Variants in MAPKAPK5 observed in about 807,000 individuals in gnomAD.
MAPKAPK5 encodes MAP kinase-activated protein kinase 5.
Under a neutral mutation model 65.1 loss-of-function variants are expected in MAPKAPK5, and 30 were observed. The ratio of observed to expected loss-of-function variants is 0.46; its 90% CI spans 0.34 to 0.63. The LOEUF is 0.63. Ranked by LOEUF, MAPKAPK5 falls within the 20% of genes least tolerant of loss-of-function variation. The pLI, the probability that MAPKAPK5 is intolerant of heterozygous loss-of-function variation, is 0.01. For missense variants in MAPKAPK5, 433 were observed against 581.4 expected (o/e 0.74, Z 2.63); for synonymous variants, 179 against 204.6 (o/e 0.87, Z 1.07).
At chr12:111,860,811 C>T (rs897123480) in intron 1 of MAPKAPK5, among the ~76,000 whole-genome samples, 2 of 151,770 alleles carry the variant, frequency 1.3e-5, no homozygotes, top group Non-Finnish European at 2.9e-5. Flanking sequence ...TCCATTGTGG[C>T]GAGGAATTGC....
chr12:111,857,926 T>G (rs1463442155), intron 1 of MAPKAPK5, among the ~76,000 whole-genome samples: 1 of 151,756 alleles, frequency 6.6e-6, no homozygotes, highest in Non-Finnish European at 1.5e-5. Flanking sequence ...TGAGACAGGG[T>G]CTTGCTCTGT....
chr12:111,859,891 C>T (rs1042604415), intron 1 of MAPKAPK5, among the ~76,000 whole-genome samples: 3 of 152,160 alleles, frequency 2.0e-5, no homozygotes, highest in Middle Eastern at 3.4e-3. Flanking sequence ...TCAGGTGATC[C>T]ACCCGCCTCA....
chr12:111,887,276 G>T (rs1263397063), intron 10 of MAPKAPK5, among the ~76,000 whole-genome samples: 2 of 152,146 alleles, frequency 1.3e-5, no homozygotes, highest in Non-Finnish European at 2.9e-5. Context: ...TTTGTGGGTG[G>T]TTGTCTTCCT....
At chr12:111,873,706 C>G (rs2069860537) in intron 7 of MAPKAPK5, among the ~76,000 whole-genome samples, 1 of 152,128 alleles carries the variant, frequency 6.6e-6, no homozygotes, top group Admixed American at 6.5e-5. Context: ...GGATTCTATT[C>G]TGTTTGTTTA....
rs931557628 is a variant in MAPKAPK5, at chr12:111,877,087, G to A, written c.580-3360G>A. 3.6e-5 allele frequency among the ~76,000 whole-genome samples: 4 copies of A among 109,652 alleles called. No individual in the cohort carries two copies. The South Asian group carries it at 8.5e-4, about 23-fold the overall frequency. The allele number at this position is 109,652 out of a possible 152,430, so 71.9% of individuals were successfully genotyped here. ...AGTTGGAGTGCAGTAGCACGATCTC[G>A]GCTCACTGCAACCTCCACCTCCCGG... On this transcript the variant is annotated intron_variant, in intron 7 of 13. Transcript: ENST00000550735.
chr12:111,874,788 T>G (rs2069904952), intron 7 of MAPKAPK5, among the ~76,000 whole-genome samples: 1 of 147,274 alleles, frequency 6.8e-6, no homozygotes. Flanking sequence ...TTTTTTTTTT[T>G]TTTTGAGATG....
intron 1 of MAPKAPK5, among the ~76,000 whole-genome samples, chr12:111,847,422 A>G (rs994497550): frequency 3.3e-5 from 5 of 151,558 alleles, no homozygotes; most frequent in Admixed American, 6.6e-5. Context: ...TGTATCTTCT[A>G]TTACCTGTAT....
chr12:111,878,660 C>T (rs1027964124), intron 7 of MAPKAPK5, among the ~76,000 whole-genome samples: 3 of 152,008 alleles, frequency 2.0e-5, no homozygotes, highest in African/African-American at 7.2e-5. Context: ...ACCTCGTGAT[C>T]CTCCTGCCTC....
chr12:111,855,430 A>G (rs941927008), intron 1 of MAPKAPK5, among the ~76,000 whole-genome samples: 1 of 152,068 alleles, frequency 6.6e-6, no homozygotes, highest in Non-Finnish European at 1.5e-5. Flanking sequence ...CACCACTTCA[A>G]CTTCATCTCA....
chr12:111,886,979 T>C (rs1049434040), intron 10 of MAPKAPK5, among the ~76,000 whole-genome samples: 1 of 152,196 alleles, frequency 6.6e-6, no homozygotes, highest in South Asian at 2.1e-4. Flanking sequence ...GGGACAGTTG[T>C]GGCATATCTG....
At chr12:111,843,517 T>A (rs1485149593) in intron 1 of MAPKAPK5, 1 of 365,330 alleles carries the variant, frequency 2.7e-6, no homozygotes, top group East Asian at 4.0e-5. Flanking sequence ...ATTAGTCTTA[T>A]GAAAATTAAA....
chr12:111,881,686 G>A (rs965986261), intron 8 of MAPKAPK5, among the ~76,000 whole-genome samples: 6 of 152,116 alleles, frequency 3.9e-5, no homozygotes, highest in Admixed American at 6.6e-5. Context: ...GATTACAGGC[G>A]TGAGCCACCG....
intron 1 of MAPKAPK5, among the ~76,000 whole-genome samples, chr12:111,850,662 T>C (rs898265043): frequency 1.6e-4 from 25 of 152,134 alleles, no homozygotes; most frequent in Non-Finnish European, 3.7e-4. Flanking sequence ...AATGCCCTGT[T>C]CTGGGGAAAA....
At chr12:111,885,638 G>T in intron 9 of MAPKAPK5, 1 of 362,516 alleles carries the variant, frequency 2.8e-6, no homozygotes, top group South Asian at 5.6e-5. Context: ...GCCATATGTA[G>T]GATTACCTTA....
At position 111,843,328 on chromosome 12, in the gene MAPKAPK5, G is replaced by A. The variant is rs2068791726; in HGVS notation, c.36+559G>A. ...CCTAGGAAGCATTGAGTTTACTTAG[G>A]AAAAGTTAACAGTTCCTGTGACTTA... On this transcript the variant is annotated intron_variant, in intron 1 of 13. Coordinates refer to ENST00000550735, the MANE Select transcript of MAPKAPK5 (RefSeq NM_003668.4). The A allele has an allele frequency of 7.5e-6, 3 of 398,372 alleles. No homozygotes were observed. The South Asian group carries it at 3.8e-4, about 51-fold the overall frequency. The allele number at this position is 398,372 out of a possible 1,614,324, so 24.7% of individuals were successfully genotyped here.
intron 7 of MAPKAPK5, among the ~76,000 whole-genome samples, chr12:111,874,498 T>C (rs1261153252): frequency 1.3e-5 from 2 of 149,580 alleles, no homozygotes; most frequent in Non-Finnish European, 3.0e-5. Context: ...GAGATGGAAT[T>C]GCACTCTTTG....
Position 111,888,981 on chromosome 12 carries a change from G to T in MAPKAPK5, c.1197G>T (p.Gln399His), listed in dbSNP as rs755492419. 6.3e-7 allele frequency: 1 copy of T among 1,592,304 alleles called. No homozygotes were observed. Among genetic ancestry groups the T allele is most frequent in the South Asian group, 1.1e-5 (1 of 87,704 alleles). The change falls in exon 12 of 14, where the codon CAG (glutamine) becomes CAT (histidine). Residue 399 changes from glutamine to histidine, a missense_variant. Around this residue, in one of 3 missense-constraint regions of MAPKAPK5, gnomAD observed 169 missense variants for 215.6 expected, o/e 0.78. Transcript: ENST00000550735. ...AAAAACTCCGAGATGTGATTGCTCA[G>T]TGTATTCTCCCCCAGGCTGGTAAAG... is the stretch of plus-strand genomic sequence containing the variant. Reference protein sequence around the residue: ...ALEKLRDVIAQCILPQAGENE... With the variant: ...ALEKLRDVIAHCILPQAGENE...
chr12:111,884,114 C>T (rs1205859821), intron 9 of MAPKAPK5, among the ~76,000 whole-genome samples: 1 of 152,080 alleles, frequency 6.6e-6, no homozygotes, highest in African/African-American at 2.4e-5. Flanking sequence ...AGATACAATG[C>T]CAGGAGGTGA....
chr12:111,900,119 C>T lies in MAPKAPK5; in HGVS notation c.*7058C>T, dbSNP rs953288206. ...TGCTGGCTGGAATGGAGATTTGGAC[C>T]GAGGGGGACCTAATAGATGTCACAG... is the stretch of plus-strand genomic sequence containing the variant. On this transcript the variant is annotated 3_prime_UTR_variant, in exon 14 of 14. Transcript: ENST00000550735. 1.5e-5 allele frequency: 7 copies of T among 455,846 alleles called. No individual in the cohort carries two copies. The highest frequency in any genetic ancestry group is 4.0e-5 in the African/African-American group (2 of 50,032). The allele number at this position is 455,846 out of a possible 1,614,324, so 28.2% of individuals were successfully genotyped here. A position where few individuals can be genotyped will look rare whatever the true frequency, so the allele number is the denominator to read the frequency against.
Sources: allele counts gnomAD v4.1 joint callset (sites outside exome capture counted in the v4.1 genomes callset), GRCh38; gene constraint gnomAD v4.1.1; regional missense constraint gnomAD v4.1.1; transcripts MANE v1.5; gene names NCBI Gene and HGNC (gene_info 2026-07-23, HGNC 2026-07-21).